The following AHCY variants were observed in gnomAD, a reference collection of about 807,000 sequenced individuals.
AHCY encodes the protein S-adenosyl-L-homocysteine hydrolase.
Under a neutral mutation model 45.4 loss-of-function variants are expected in AHCY, and 24 were observed. That is an observed-to-expected ratio of 0.53 (90% CI 0.38 to 0.74). AHCY has a LOEUF of 0.74. Among genes scored for constraint, AHCY ranks in the 30% least tolerant of loss-of-function variants. The probability of loss-of-function intolerance (pLI) is 0.00; values close to 1 mark genes in which losing one functional copy is unlikely to be tolerated. For missense variants in AHCY, 449 were observed against 594.1 expected (o/e 0.76, Z 2.54); for synonymous variants, 245 against 235.1 (o/e 1.04, Z -0.39).
In AHCY at chr20:34,285,651, C is replaced by G; in HGVS notation, c.973-17G>C. On this transcript the variant is annotated splice_polypyrimidine_tract_variant and intron_variant, in intron 8 of 9. Transcript: ENST00000217426. ...CCGGTCCACCTACACGCAGGCAGGG[C>G]AACAGTGAAGGCAGGCAGGGCCCCG... 2.5e-6 allele frequency: 4 copies of G among 1,611,680 alleles called. No homozygotes were observed. Among genetic ancestry groups the G allele is most frequent in the Non-Finnish European group, 3.4e-6 (4 of 1,179,816 alleles).
the AHCY span, among the ~76,000 whole-genome samples, chr20:34,259,853 C>T: frequency 3.7e-4 from 56 of 152,136 alleles, no homozygotes; most frequent in Non-Finnish European, 6.9e-4. Flanking sequence ...CATTCGTTCT[C>T]TCTGGGTTTG....
At chr20:34,305,081 C>G (rs900022248), upstream of AHCY, among the ~76,000 whole-genome samples, 1 of 149,670 alleles carries the variant, frequency 6.7e-6, no homozygotes, top group Non-Finnish European at 1.5e-5. Context: ...ATTGGGAGGC[C>G]GAGGCGGGCG....
chr20:34,293,938 TG>T, intron 3 of AHCY, 142 bp downstream of exon 3: 1 of 816,522 alleles, frequency 1.2e-6, no homozygotes, highest in Non-Finnish European at 2.1e-6. Context: ...CTCTTTCCTG[TG>T]GGGTCGCTGG....
intron 1 of AHCY, 73 bp downstream of exon 1, chr20:34,303,169 CT>C: frequency 6.5e-7 from 1 of 1,547,626 alleles, no homozygotes; most frequent in South Asian, 1.2e-5. Flanking sequence ...CGAGTCGGCC[CT>C]GCAGCCCCCG....
At chr20:34,302,157 C>T (rs1215642744) in intron 1 of AHCY, among the ~76,000 whole-genome samples, 2 of 152,046 alleles carry the variant, frequency 1.3e-5, no homozygotes, top group African/African-American at 4.8e-5. Flanking sequence ...CCCGCCACCA[C>T]GCCCAGCTAG....
intron 1 of AHCY, 45 bp from the exon 2 acceptor site, chr20:34,295,630 A>G: frequency 1.3e-6 from 2 of 1,597,306 alleles, no homozygotes; most frequent in Non-Finnish European, 8.5e-7. Context: ...CCCTCATCCC[A>G]CCAACCAAGA....
the AHCY span, among the ~76,000 whole-genome samples, chr20:34,272,634 C>T: frequency 6.6e-6 from 1 of 152,182 alleles, no homozygotes; most frequent in African/African-American, 2.4e-5. Context: ...CACCTGTAAT[C>T]CCAGCACTTT....
chr20:34,269,117 C>G, the AHCY span: 2 of 1,560,336 alleles, frequency 1.3e-6, no homozygotes, highest in East Asian at 2.4e-5. Flanking sequence ...CTGCCAGTGC[C>G]GCTTCTTCCG....
intron 9 of AHCY, among the ~76,000 whole-genome samples, chr20:34,282,356 AGAT>A (rs1235172464): frequency 6.6e-6 from 1 of 152,266 alleles, no homozygotes; most frequent in Non-Finnish European, 1.5e-5. Flanking sequence ...TCAAACCTTC[AGAT>A]GATTGCAGCC....
At chr20:34,258,690 T>TATATATATATATATATATATAC in the AHCY span, among the ~76,000 whole-genome samples, 20 of 72,304 alleles carry the variant, frequency 2.8e-4, 2 homozygotes, top group East Asian at 9.6e-4. Flanking sequence ...TATATATATA[T>TATATATATATATATATATATAC]ACATACTATA....
chr20:34,267,243 A>C, the AHCY span, among the ~76,000 whole-genome samples: 1 of 152,218 alleles, frequency 6.6e-6, no homozygotes, highest in East Asian at 1.9e-4. Flanking sequence ...ATAAATTCAG[A>C]TGTTAAAGAG....
chr20:34,235,847 AG>A, the AHCY span, among the ~76,000 whole-genome samples: 3 of 46,372 alleles, frequency 6.5e-5, no homozygotes, highest in African/African-American at 2.8e-4. Flanking sequence ...GAAAGAAGGA[AG>A]GAAGGAAGGA....
the AHCY span, among the ~76,000 whole-genome samples, chr20:34,236,771 GA>G: frequency 6.6e-6 from 1 of 152,176 alleles, no homozygotes; most frequent in South Asian, 2.1e-4. Flanking sequence ...AGAATTTTGG[GA>G]AACTCTAGAT....
the AHCY span, among the ~76,000 whole-genome samples, chr20:34,236,080 G>C: frequency 1.8e-4 from 24 of 132,756 alleles, no homozygotes; most frequent in East Asian, 3.6e-3. Flanking sequence ...GAAAGAGAAA[G>C]AGAAGGAAGG....
chr20:34,237,528 T>A, the AHCY span, among the ~76,000 whole-genome samples: 3 of 152,242 alleles, frequency 2.0e-5, no homozygotes, highest in African/African-American at 7.2e-5. Context: ...CTAAACTGAT[T>A]TATTAGTTCT....
At chr20:34,301,870 C>T (rs971223075) in intron 1 of AHCY, 2 of 985,380 alleles carry the variant, frequency 2.0e-6, no homozygotes, top group African/African-American at 1.7e-5. Context: ...GCCTCAGTTT[C>T]ATGCTCTATA....
At chr20:34,304,525 AT>A (rs564670743), upstream of AHCY, among the ~76,000 whole-genome samples, 425 of 142,104 alleles carry the variant, frequency 3.0e-3, 1 homozygote, top group Middle Eastern at 3.6e-3. Context: ...TTTCCCCTGA[AT>A]TTTTTTTTTT....
chr20:34,258,674 C>CATATATATAT, the AHCY span, among the ~76,000 whole-genome samples: 24 of 12,152 alleles, frequency 2.0e-3, 1 homozygote, highest in East Asian at 0.02. Context: ...AGGGGGATGC[C>CATATATATAT]ATATATATAT....
chr20:34,269,179 C>T, the AHCY span: 1 of 1,492,840 alleles, frequency 6.7e-7, no homozygotes, highest in South Asian at 1.3e-5. Context: ...CGCCCCCACT[C>T]CCGGCCGCGA....
Sources: allele counts gnomAD v4.1 joint callset (sites outside exome capture counted in the v4.1 genomes callset), GRCh38; gene constraint gnomAD v4.1.1; transcripts MANE v1.5; gene names NCBI Gene and HGNC (gene_info 2026-07-23, HGNC 2026-07-21).